CTTNBP2: variants seen among roughly 807,000 people sequenced by gnomAD.
CTTNBP2 encodes cortactin-binding protein 2.
Under a neutral mutation model 156.9 loss-of-function variants are expected in CTTNBP2, and 108 were observed. The observed-to-expected ratio is 0.69, with a 90% CI of 0.59 to 0.81. CTTNBP2 has a LOEUF of 0.81. CTTNBP2 is among the 30% of genes least tolerant of loss of function. The probability of loss-of-function intolerance (pLI) is 0.00; values close to 1 mark genes in which losing one functional copy is unlikely to be tolerated. For synonymous variants in CTTNBP2, 767 were observed against 751.8 expected (o/e 1.02, Z -0.33); for missense variants, 1,924 against 2,035.4 (o/e 0.95, Z 1.05).
intron 1 of CTTNBP2, among the ~76,000 whole-genome samples, chr7:117,870,863 G>A (rs1209266528): frequency 6.6e-6 from 1 of 152,192 alleles, no homozygotes; most frequent in Non-Finnish European, 1.5e-5. Flanking sequence ...AACTTGGGAT[G>A]CTTTCAGGAT....
intron 9 of CTTNBP2, among the ~76,000 whole-genome samples, chr7:117,765,434 C>A (rs1037726507): frequency 5.3e-5 from 8 of 152,148 alleles, no homozygotes; most frequent in African/African-American, 1.7e-4. Context: ...AACAGGTGAG[C>A]AGACTGAGGT....
At chr7:117,756,826 C>G (rs1209390328) in intron 11 of CTTNBP2, among the ~76,000 whole-genome samples, 192 bp from the exon 12 acceptor site, 2 of 152,182 alleles carry the variant, frequency 1.3e-5, no homozygotes, top group Non-Finnish European at 2.9e-5. Flanking sequence ...GGCTGATAAA[C>G]TGCCACTGCT....
At chr7:117,848,346 C>A (rs1317527886) in intron 2 of CTTNBP2, among the ~76,000 whole-genome samples, 5 of 152,130 alleles carry the variant, frequency 3.3e-5, no homozygotes, top group Non-Finnish European at 5.9e-5. Context: ...CTCACCACCC[C>A]ACCTGATCAC....
At chr7:117,821,289 CCTGT>C (rs1800947325) in intron 2 of CTTNBP2, among the ~76,000 whole-genome samples, 1 of 151,794 alleles carries the variant, frequency 6.6e-6, no homozygotes, top group Admixed American at 6.6e-5. Context: ...TTTTCTTATT[CCTGT>C]CTAAATTGCA....
intron 2 of CTTNBP2, among the ~76,000 whole-genome samples, chr7:117,811,718 C>T (rs368975292): frequency 9.9e-5 from 15 of 151,718 alleles, no homozygotes; most frequent in African/African-American, 1.7e-4. Flanking sequence ...GGTTAAATCA[C>T]GCATACAAAA....
chr7:117,756,139 G>A (rs10234869), intron 12 of CTTNBP2, among the ~76,000 whole-genome samples: 33,918 of 152,070 alleles, frequency 0.22, 4,162 homozygotes, highest in African/African-American at 0.23. Flanking sequence ...TTTGGTTTCC[G>A]TTAAAGTGGC....
At chr7:117,822,413 C>T (rs1801021533) in intron 2 of CTTNBP2, among the ~76,000 whole-genome samples, 2 of 152,030 alleles carry the variant, frequency 1.3e-5, no homozygotes. Context: ...TTCCCTTCTA[C>T]TTTGTGTTTA....
At chr7:117,816,501 A>G (rs1172987264) in intron 2 of CTTNBP2, among the ~76,000 whole-genome samples, 2 of 151,968 alleles carry the variant, frequency 1.3e-5, no homozygotes, top group Non-Finnish European at 2.9e-5. Flanking sequence ...CTTCACCCAC[A>G]TATCTCCCCA....
intron 14 of CTTNBP2, among the ~76,000 whole-genome samples, chr7:117,740,479 G>T (rs1432801327): frequency 6.6e-6 from 1 of 152,044 alleles, no homozygotes; most frequent in Non-Finnish European, 1.5e-5. Context: ...ATAGTTTAAG[G>T]CTCTCTCTTT....
At chr7:117,717,184 T>C (rs1794449533) in intron 22 of CTTNBP2, among the ~76,000 whole-genome samples, 1 of 152,210 alleles carries the variant, frequency 6.6e-6, no homozygotes, top group African/African-American at 2.4e-5. Flanking sequence ...TGCAGTGCTG[T>C]AGTCATGGAA....
At chr7:117,818,069 AAAAG>A (rs754806603) in intron 2 of CTTNBP2, among the ~76,000 whole-genome samples, 58 of 152,366 alleles carry the variant, frequency 3.8e-4, no homozygotes, top group East Asian at 1.9e-4. Context: ...AATTAGGTTT[AAAAG>A]AAAGACAAAA....
chr7:117,832,761 T>TC (rs1801692704), intron 2 of CTTNBP2, among the ~76,000 whole-genome samples: 1 of 146,010 alleles, frequency 6.8e-6, no homozygotes, highest in Non-Finnish European at 1.5e-5. Flanking sequence ...TTTTTTTTTT[T>TC]TTTGAGATAG....
intron 1 of CTTNBP2, among the ~76,000 whole-genome samples, chr7:117,863,212 T>C (rs1803889692): frequency 6.6e-6 from 1 of 152,222 alleles, no homozygotes; most frequent in Admixed American, 6.5e-5. Context: ...AGGATCTCTC[T>C]CTTAAAATTA....
In CTTNBP2 at chr7:117,780,591, C is replaced by T. The variant is rs745874517; in HGVS notation, c.2373G>A (p.Glu791=). Reference sequence around the variant, plus strand: ...CATATGAAATTAATAATTCTACACACCTAAACACAAGATTAGGATTAATTA... The same window carrying T: ...CATATGAAATTAATAATTCTACACATCTAAACACAAGATTAGGATTAATTA... ...LCAAAAQGHF[E]CVELLISYDA... is the part of the protein sequence containing the mutation. Residue 791 remains glutamate (E), a splice_region_variant and synonymous_variant, in exon 7 of 23, where the codon GAG becomes GAA. Transcript: ENST00000160373. The T allele has an allele frequency of 6.4e-7, 1 of 1,562,600 alleles. No homozygotes were observed. Among genetic ancestry groups the T allele is most frequent in the Admixed American group, 2.0e-5 (1 of 50,888 alleles).
chr7:117,828,660 G>A (rs146083838), intron 2 of CTTNBP2, among the ~76,000 whole-genome samples: 6 of 152,332 alleles, frequency 3.9e-5, no homozygotes, highest in African/African-American at 1.2e-4. Context: ...AAGCCTGTTT[G>A]TGTTTGTTCA....
chr7:117,796,472 A>G (rs530205212), intron 3 of CTTNBP2, among the ~76,000 whole-genome samples: 1 of 152,274 alleles, frequency 6.6e-6, no homozygotes, highest in African/African-American at 2.4e-5. Context: ...CAGCTCAGAG[A>G]CAAATTATGT....
At chr7:117,803,511 GT>G (rs1361924810) in intron 3 of CTTNBP2, among the ~76,000 whole-genome samples, 2 of 152,148 alleles carry the variant, frequency 1.3e-5, no homozygotes, top group Non-Finnish European at 2.9e-5. Flanking sequence ...ACCTGCACAT[GT>G]TCCACCTAAA....
intron 6 of CTTNBP2, among the ~76,000 whole-genome samples, chr7:117,781,778 G>A (rs1390114972): frequency 6.6e-6 from 1 of 152,082 alleles, no homozygotes; most frequent in South Asian, 2.1e-4. Context: ...TTTCTCCAGG[G>A]TCCTTCCTGT....
chr7:117,847,181 T>C (rs890962698), intron 2 of CTTNBP2, among the ~76,000 whole-genome samples: 2 of 150,278 alleles, frequency 1.3e-5, no homozygotes, highest in Admixed American at 1.3e-4. Context: ...ATGCACAAGC[T>C]GGTTTTCAAA....
Sources: gnomAD v4.1 joint callset for allele counts (sites outside exome capture counted in the v4.1 genomes callset) on GRCh38, gnomAD v4.1.1 for gene constraint, MANE v1.5 for transcripts, NCBI Gene and HGNC (gene_info 2026-07-23, HGNC 2026-07-21) for gene names.